Variants in SEC23B observed in about 807,000 individuals in gnomAD.
The protein encoded by SEC23B is protein transport protein Sec23B.
SEC23B carries 77 observed loss-of-function variants against 104.3 expected under a neutral mutation model. That is an observed-to-expected ratio of 0.74 (90% CI 0.61 to 0.89). The LOEUF is 0.89. Ranked by LOEUF, SEC23B falls within the 40% of genes least tolerant of loss-of-function variation. SEC23B has a pLI of 0.00. For synonymous variants in SEC23B, 338 were observed against 332.5 expected, an observed-to-expected ratio of 1.02 and a Z score of -0.18; for missense variants, 885 against 949.4, an observed-to-expected ratio of 0.93 and a Z score of 0.89.
chr20:18,546,903 GTTTTTTTTTTTTTTT>G (rs58809009), intron 15 of SEC23B, among the ~76,000 whole-genome samples: 1 of 115,516 alleles, frequency 8.7e-6, no homozygotes, highest in South Asian at 3.1e-4. Context: ...GTGGTTTGCA[GTTTTTTTTTTTTTTT>G]TTTTTTTTTT....
In SEC23B at chr20:18,561,135, AGTGT is replaced by A; in HGVS notation, c.*398_*401del. On this transcript the variant is annotated 3_prime_UTR_variant, in exon 20 of 20. Transcript: ENST00000650089. The stretch of plus-strand genomic sequence containing the variant: ...TGTGATTTCCTGAGGTCTCTGTGTG[AGTGT>A]GTATGTGTTTTAAGTGACTTCCTTA... 3.4e-6 allele frequency: 1 copy of A among 291,370 alleles called. No homozygotes were observed. The highest frequency in any genetic ancestry group is 3.3e-5 in the South Asian group (1 of 30,634). The allele number at this position is 291,370 out of a possible 1,614,324, so 18.0% of individuals were successfully genotyped here.
chr20:18,537,599 G>T (rs138280535), intron 12 of SEC23B, among the ~76,000 whole-genome samples: 5 of 151,892 alleles, frequency 3.3e-5, no homozygotes, highest in East Asian at 3.9e-4. Context: ...GGTGGGGGAA[G>T]GGGGGAGGAA....
At chr20:18,542,940 G>A in intron 13 of SEC23B, 79 bp from the exon 14 acceptor site, 2 of 1,572,482 alleles carry the variant, frequency 1.3e-6, no homozygotes, top group Non-Finnish European at 8.8e-7. Context: ...CACCTAGCCT[G>A]TGTTTCTTTT....
Position 18,535,712 on chromosome 20 carries a change from A to C in SEC23B, c.1374A>C (p.Thr458=). 6.2e-7 allele frequency: 1 copy of C among 1,614,026 alleles called. No individual in the cohort carries two copies. Among genetic ancestry groups the C allele is most frequent in the Non-Finnish European group, 8.5e-7 (1 of 1,179,938 alleles). ...WKICGLDPTS[T]LGIYFEVVNQ... is the part of the protein sequence containing the mutation. The stretch of plus-strand genomic sequence containing the variant: ...TCTGTGGCCTAGATCCTACATCTAC[A>C]CTTGGCATCTATTTTGAAGTTGTCA... The change falls in exon 12 of 20, where the codon ACA becomes ACC. Residue 458 remains threonine (T), a synonymous_variant. Transcript: ENST00000650089.
chr20:18,554,455 A>G (rs2060417330), intron 18 of SEC23B, 65 bp downstream of exon 18: 2 of 1,536,016 alleles, frequency 1.3e-6, no homozygotes, highest in Admixed American at 3.3e-5. Flanking sequence ...ATTGCTATAC[A>G]TCTAAACAGG....
At chr20:18,542,165 G>T in intron 12 of SEC23B, 131 bp from the exon 13 acceptor site, 1 of 827,796 alleles carries the variant, frequency 1.2e-6, no homozygotes, top group Non-Finnish European at 2.1e-6. Flanking sequence ...AATCCTAAGT[G>T]TGCCCTTCAA....
chr20:18,559,539 C>T (rs1343456656), intron 19 of SEC23B, among the ~76,000 whole-genome samples: 1 of 152,152 alleles, frequency 6.6e-6, no homozygotes, highest in Non-Finnish European at 1.5e-5. Flanking sequence ...CCCACCCAGC[C>T]TTTGCTGGTT....
intron 4 of SEC23B, among the ~76,000 whole-genome samples, chr20:18,520,681 A>G (rs1481300107): frequency 6.6e-6 from 1 of 152,128 alleles, no homozygotes; most frequent in East Asian, 1.9e-4. Context: ...CTGGCCGTCA[A>G]TACCCACAAC....
chr20:18,543,452 C>T (rs1423213757), intron 14 of SEC23B, among the ~76,000 whole-genome samples: 3 of 152,150 alleles, frequency 2.0e-5, no homozygotes, highest in Non-Finnish European at 2.9e-5. Context: ...TTTGTGAATG[C>T]TCTGGTCTTG....
At chr20:18,532,231 G>A (rs1031686919) in intron 10 of SEC23B, among the ~76,000 whole-genome samples, 9 of 152,188 alleles carry the variant, frequency 5.9e-5, no homozygotes, top group Non-Finnish European at 1.0e-4. Flanking sequence ...AAGTATGTTG[G>A]CCTTGTCGTT....
Position 18,560,793 on chromosome 20 carries a change from T to C in SEC23B, c.*53T>C. The C allele has an allele frequency of 7.5e-7, 1 of 1,336,012 alleles. No homozygotes were observed. The highest frequency in any genetic ancestry group is 1.1e-6 in the Non-Finnish European group (1 of 926,114). The allele number at this position is 1,336,012 out of a possible 1,614,324, so 82.8% of individuals were successfully genotyped here. A position where few individuals can be genotyped will look rare whatever the true frequency, so the allele number is the denominator to read the frequency against. On this transcript the variant is annotated 3_prime_UTR_variant, in exon 20 of 20. Coordinates refer to ENST00000650089, the MANE Select transcript of SEC23B (RefSeq NM_006363.6). ...GGTGTCAGATTGTGTTCAAAATGTC[T>C]AGAAAGGCTTGATAACATTCCTGTT...
At chr20:18,509,327 A>T (rs997738792) in intron 1 of SEC23B, among the ~76,000 whole-genome samples, 2 of 152,194 alleles carry the variant, frequency 1.3e-5, no homozygotes, top group African/African-American at 4.8e-5. Context: ...CTTAATCAAA[A>T]TTATTTACAG....
chr20:18,550,699 C>T (rs1670639975), intron 16 of SEC23B, among the ~76,000 whole-genome samples: 1 of 152,068 alleles, frequency 6.6e-6, no homozygotes, highest in South Asian at 2.1e-4. Context: ...GTGGCATGCA[C>T]CTGTAGCCTC....
At chr20:18,510,722 G>A (rs763671116) in intron 1 of SEC23B, 100 bp from the exon 2 acceptor site, 234 of 949,004 alleles carry the variant, frequency 2.5e-4, no homozygotes, top group Middle Eastern at 6.2e-4. Flanking sequence ...GCTGAGATGG[G>A]AAAAAAAGAG....
intron 4 of SEC23B, among the ~76,000 whole-genome samples, chr20:18,523,397 C>CTTTTTTTTTTTTTTTTTTTTTTTT (rs112136906): frequency 7.7e-6 from 1 of 130,554 alleles, no homozygotes; most frequent in Non-Finnish European, 1.6e-5. Flanking sequence ...TCTTTCCTTT[C>CTTTTTTTTTTTTTTTTTTTTTTTT]TTTTTTTTTT....
chr20:18,547,066 C>G (rs1046970929), intron 15 of SEC23B, among the ~76,000 whole-genome samples: 10 of 151,966 alleles, frequency 6.6e-5, no homozygotes, highest in Admixed American at 6.6e-4. Flanking sequence ...TCCCTGGGCC[C>G]CTGAGGACTT....
intron 8 of SEC23B, 144 bp from the exon 9 acceptor site, chr20:18,527,352 T>G: frequency 1.4e-6 from 1 of 702,740 alleles, no homozygotes; most frequent in South Asian, 1.5e-5. Flanking sequence ...CACTCTAGCC[T>G]GGGCAACAGA....
At chr20:18,538,598 G>A (rs1444391181) in intron 12 of SEC23B, among the ~76,000 whole-genome samples, 4 of 152,096 alleles carry the variant, frequency 2.6e-5, no homozygotes, top group Non-Finnish European at 2.9e-5. Context: ...TGCATCAGTC[G>A]ACTCTTCCTT....
chr20:18,510,768 A>ATC, intron 1 of SEC23B, 54 bp from the exon 2 acceptor site: 1 of 1,377,324 alleles, frequency 7.3e-7, no homozygotes, highest in Non-Finnish European at 1.0e-6. Flanking sequence ...TCTTTTTTTG[A>ATC]CATTTAGTTC....
Sources: gnomAD v4.1 joint callset for allele counts (sites outside exome capture counted in the v4.1 genomes callset) on GRCh38, gnomAD v4.1.1 for gene constraint, MANE v1.5 for transcripts, NCBI Gene and HGNC (gene_info 2026-07-23, HGNC 2026-07-21) for gene names.